The following C8orf34 variants were observed in gnomAD, a reference collection of about 807,000 sequenced individuals.
The protein encoded by C8orf34 is chromosome 8 open reading frame 34, also known as uncharacterized protein C8orf34.
A neutral mutation model predicts 68.3 loss-of-function variants in C8orf34; 65 were observed. That is an observed-to-expected ratio of 0.95 (90% CI 0.78 to 1.17). The LOEUF is 1.17. C8orf34 is among the 50% of genes most tolerant of loss of function. The pLI is 0.00. For synonymous variants in C8orf34, 244 were observed against 241.2 expected, an observed-to-expected ratio of 1.01 and a Z score of -0.11; for missense variants, 664 against 655.4, an observed-to-expected ratio of 1.01 and a Z score of -0.14.
chr8:68,344,319 C>T (rs1247164096), intron 1 of C8orf34, among the ~76,000 whole-genome samples: 6 of 152,076 alleles, frequency 3.9e-5, no homozygotes, highest in South Asian at 2.1e-4. Context: ...GAAAAGTTTA[C>T]GTATTATATG....
chr8:68,748,514 T>C (rs1822584896), intron 10 of C8orf34, among the ~76,000 whole-genome samples: 1 of 151,812 alleles, frequency 6.6e-6, no homozygotes, highest in African/African-American at 2.4e-5. Context: ...ATCCAGAATC[T>C]ACAATGAACT....
At chr8:68,638,097 G>C (rs1477525219) in intron 7 of C8orf34, among the ~76,000 whole-genome samples, 2 of 152,164 alleles carry the variant, frequency 1.3e-5, no homozygotes, top group African/African-American at 2.4e-5. Context: ...CAGGGATCTT[G>C]ATCCAATATG....
At chr8:68,701,679 C>T (rs1221219241) in intron 8 of C8orf34, among the ~76,000 whole-genome samples, 1 of 152,074 alleles carries the variant, frequency 6.6e-6, no homozygotes, top group African/African-American at 2.4e-5. Context: ...ATTATCAATA[C>T]AGCAGGTTAA....
chr8:68,424,835 G>A (rs768389430), intron 1 of C8orf34, among the ~76,000 whole-genome samples: 1 of 152,106 alleles, frequency 6.6e-6, no homozygotes, highest in Non-Finnish European at 1.5e-5. Context: ...GGGAGGCGGA[G>A]CTTGCAGTGA....
At chr8:68,445,263 GT>G (rs1563444605) in intron 2 of C8orf34, among the ~76,000 whole-genome samples, 1 of 152,114 alleles carries the variant, frequency 6.6e-6, no homozygotes. Flanking sequence ...TTATAAGTGA[GT>G]AGCCAGAGAA....
chr8:68,582,252 TG>T (rs1270548952), intron 7 of C8orf34, among the ~76,000 whole-genome samples: 12 of 152,162 alleles, frequency 7.9e-5, no homozygotes, highest in Admixed American at 5.2e-4. Context: ...AATGACCTAA[TG>T]CAACAGACTG....
chr8:68,468,871 C>T (rs76987043), intron 4 of C8orf34, 51 bp downstream of exon 4: 52 of 1,566,160 alleles, frequency 3.3e-5, no homozygotes, highest in Admixed American at 1.5e-4. Flanking sequence ...ATATTAAAGC[C>T]GAAGCATTCA....
At chr8:68,527,860 T>A (rs1163077014) in intron 6 of C8orf34, among the ~76,000 whole-genome samples, 1 of 152,194 alleles carries the variant, frequency 6.6e-6, no homozygotes, top group Non-Finnish European at 1.5e-5. Flanking sequence ...CACTCCTGCA[T>A]CCCTGCAGCA....
At chr8:68,673,167 G>A (rs182174360) in intron 8 of C8orf34, among the ~76,000 whole-genome samples, 12 of 152,284 alleles carry the variant, frequency 7.9e-5, no homozygotes, top group African/African-American at 2.6e-4. Context: ...ACTCAGATAT[G>A]TGTGGGCTTC....
At chr8:68,553,116 T>C (rs1244448661) in intron 7 of C8orf34, among the ~76,000 whole-genome samples, 1 of 152,040 alleles carries the variant, frequency 6.6e-6, no homozygotes, top group Non-Finnish European at 1.5e-5. Flanking sequence ...CCAGGCATGG[T>C]GGCTCACACC....
intron 8 of C8orf34, among the ~76,000 whole-genome samples, chr8:68,703,740 G>C (rs1381689420): frequency 6.6e-6 from 1 of 152,044 alleles, no homozygotes; most frequent in Non-Finnish European, 1.5e-5. Context: ...ACAGCCACCT[G>C]TCCAGGGTTG....
chr8:68,354,184 C>T (rs1806644205), intron 1 of C8orf34, among the ~76,000 whole-genome samples: 1 of 151,894 alleles, frequency 6.6e-6, no homozygotes, highest in South Asian at 2.1e-4. Context: ...TTCAATAAAA[C>T]AAAAGTATGA....
intron 7 of C8orf34, among the ~76,000 whole-genome samples, chr8:68,570,393 T>C (rs886569564): frequency 2.0e-5 from 3 of 152,182 alleles, no homozygotes; most frequent in Non-Finnish European, 4.4e-5. Context: ...TCAACCTAGA[T>C]AGAGTAATGC....
intron 1 of C8orf34, among the ~76,000 whole-genome samples, chr8:68,358,677 G>T (rs1398718566): frequency 6.6e-6 from 1 of 151,416 alleles, no homozygotes; most frequent in Non-Finnish European, 1.5e-5. Context: ...TGGAGGGGGG[G>T]TGTTTATTAA....
At chr8:68,520,491 C>T (rs188966632) in intron 5 of C8orf34, among the ~76,000 whole-genome samples, 37 of 152,164 alleles carry the variant, frequency 2.4e-4, no homozygotes, top group Non-Finnish European at 4.9e-4. Context: ...TGCTCTGTTG[C>T]CCAGGCTGGA....
At chr8:68,611,521 A>G (rs563561440) in intron 7 of C8orf34, among the ~76,000 whole-genome samples, 1 of 152,182 alleles carries the variant, frequency 6.6e-6, no homozygotes, top group Non-Finnish European at 1.5e-5. Context: ...TAAAGCATTC[A>G]TGTCATAGAA....
At chr8:68,454,292 G>A (rs1372601853) in intron 3 of C8orf34, among the ~76,000 whole-genome samples, 1 of 151,964 alleles carries the variant, frequency 6.6e-6, no homozygotes, top group Non-Finnish European at 1.5e-5. Flanking sequence ...AAATCAGAAT[G>A]TGTTCCCTGT....
chr8:68,668,440 C>T (rs763845), intron 8 of C8orf34, among the ~76,000 whole-genome samples: 12,168 of 152,162 alleles, frequency 0.08, 551 homozygotes, highest in Middle Eastern at 0.12. Flanking sequence ...ACAGGCTTTC[C>T]TTCAACTTCA....
chr8:68,446,509 T>C, intron 3 of C8orf34, 49 bp downstream of exon 3: 1 of 1,557,666 alleles, frequency 6.4e-7, no homozygotes, highest in South Asian at 1.2e-5. Flanking sequence ...TAAGTTTATG[T>C]TGTTAAGAAA....
Sources: allele counts gnomAD v4.1 joint callset (sites outside exome capture counted in the v4.1 genomes callset), GRCh38; gene constraint gnomAD v4.1.1; transcripts MANE v1.5; gene names NCBI Gene and HGNC (gene_info 2026-07-23, HGNC 2026-07-21).